Variants in DHCR7 observed in about 807,000 individuals in gnomAD.
The protein encoded by DHCR7 is 7-dehydrocholesterol reductase.
Under a neutral mutation model 43.3 loss-of-function variants are expected in DHCR7, and 40 were observed. The ratio of observed to expected loss-of-function variants is 0.92; its 90% CI spans 0.72 to 1.20. DHCR7 has a LOEUF of 1.20. DHCR7 is among the 50% of genes most tolerant of loss of function. The pLI is 0.00. For missense variants in DHCR7, 608 were observed against 644.6 expected (o/e 0.94, Z 0.62); for synonymous variants, 298 against 271.4 (o/e 1.10, Z -0.96).
At chr11:71,440,159 T>C (rs1949333095) in intron 6 of DHCR7, among the ~76,000 whole-genome samples, 1 of 151,762 alleles carries the variant, frequency 6.6e-6, no homozygotes, top group South Asian at 2.1e-4. Flanking sequence ...TTCAGAAGTG[T>C]CACCCAGGAA....
intron 2 of DHCR7, among the ~76,000 whole-genome samples, chr11:71,446,543 G>C (rs1949405450): frequency 6.6e-6 from 1 of 152,224 alleles, no homozygotes. Context: ...AAAAGTGTTT[G>C]CTGCTGGCAA....
At chr11:71,443,673 G>C (rs1234113610) in intron 4 of DHCR7, among the ~76,000 whole-genome samples, 1 of 152,140 alleles carries the variant, frequency 6.6e-6, no homozygotes, top group Admixed American at 6.5e-5. Flanking sequence ...CTGACAATGG[G>C]GCTTCCTCAG....
chr11:71,432,858 A>C (rs2135937726), downstream of DHCR7, among the ~76,000 whole-genome samples: 2 of 152,354 alleles, frequency 1.3e-5, 1 homozygote, highest in South Asian at 4.1e-4. Context: ...CCCAGGACAG[A>C]GATATGTGCT....
chr11:71,436,805 C>T (rs1240970600), intron 8 of DHCR7, among the ~76,000 whole-genome samples: 1 of 152,246 alleles, frequency 6.6e-6, no homozygotes, highest in Non-Finnish European at 1.5e-5. Context: ...GTATACCCTC[C>T]ACCCCTCTAT....
At chr11:71,438,830 C>T (rs1318220996) in intron 7 of DHCR7, 49 bp downstream of exon 7, 6 of 1,596,746 alleles carry the variant, frequency 3.8e-6, no homozygotes, top group Non-Finnish European at 5.1e-6. Flanking sequence ...CGGGTTCCCC[C>T]AGAGCCTGCC....
Position 71,438,993 on chromosome 11 carries a change from G to T in DHCR7, c.717C>A (p.Phe239Leu). Residue 239 changes from phenylalanine to leucine, a missense_variant, in exon 7 of 9, where the codon TTC (phenylalanine) becomes TTA (leucine). Transcript: ENST00000355527. ...IGKWFDFKLF[F>L]NGRPGIVAWT... ...AGGCGACGATCCCGGGGCGCCCATT[G>T]AAGAACAGCTTGAAGTCAAACCACT... 6.2e-7 allele frequency: 1 copy of T among 1,614,118 alleles called. No individual in the cohort carries two copies. Among genetic ancestry groups the T allele is most frequent in the South Asian group, 1.1e-5 (1 of 91,088 alleles).
chr11:71,431,471 C>T (rs1426518973), downstream of DHCR7, among the ~76,000 whole-genome samples: 1 of 152,190 alleles, frequency 6.6e-6, no homozygotes, highest in East Asian at 1.9e-4. Context: ...AGGGCTGACT[C>T]CTGCTCCTGA....
intron 6 of DHCR7, among the ~76,000 whole-genome samples, chr11:71,439,512 G>A (rs1328881763): frequency 1.3e-5 from 2 of 152,224 alleles, no homozygotes; most frequent in African/African-American, 4.8e-5. Flanking sequence ...CCGACGCAGG[G>A]CACGTGGGCC....
rs77762671 is a variant in DHCR7 at position 71,435,799 on chromosome 11, G to A, written c.1004C>T (p.Pro335Leu). ...CAGCAGCAGGACGCCCACGGCGTGCGGGGTGGACAGCTGCACGGGGTGGTA... is the reference window on the plus strand; with the variant it reads ...CAGCAGCAGGACGCCCACGGCGTGCAGGGTGGACAGCTGCACGGGGTGGTA... The part of the protein sequence containing the change: ...LVYHPVQLST[P>L]HAVGVLLLGL... Residue 335 changes from proline (P) to leucine (L), a missense_variant, in exon 9 of 9, where the codon CCG becomes CTG. Coordinates refer to ENST00000355527, the MANE Select transcript of DHCR7 (RefSeq NM_001360.3). The A allele has an allele frequency of 1.9e-5, 30 of 1,607,176 alleles. 1 individual carries two copies. Among genetic ancestry groups the A allele is most frequent in the East Asian group, 6.7e-5 (3 of 44,742 alleles).
chr11:71,443,620 C>G (rs1047624220), intron 4 of DHCR7, among the ~76,000 whole-genome samples: 25 of 152,266 alleles, frequency 1.6e-4, no homozygotes, highest in African/African-American at 6.0e-4. Flanking sequence ...CCTTTGGGGA[C>G]TGAGATGCTC....
At chr11:71,444,275 C>T in intron 3 of DHCR7, 60 bp from the exon 4 acceptor site, 1 of 1,378,466 alleles carries the variant, frequency 7.3e-7, no homozygotes, top group African/African-American at 1.4e-5. Context: ...CCCACCAGGA[C>T]CCTAAGAGGC....
chr11:71,447,872 A>T (rs927475957), intron 1 of DHCR7, 138 bp from the exon 2 acceptor site: 3 of 152,382 alleles, frequency 2.0e-5, no homozygotes, highest in Non-Finnish European at 2.9e-5. Flanking sequence ...CATGTCAGGG[A>T]GGACGGCGGA....
At position 71,444,902 on chromosome 11, in the gene DHCR7, G is replaced by A. The variant is rs776713087; in HGVS notation, c.51C>T (p.Gly17=). The A allele has an allele frequency of 5.6e-6, 9 of 1,614,052 alleles. No homozygotes were observed. Among genetic ancestry groups the A allele is most frequent in the African/African-American group, 5.3e-5 (4 of 74,916 alleles). Reference sequence around the variant, plus strand: ...GAGATGCGGTTCTGTCATTGGTGACGCCATCTAGACTCTTGGCTTTGGGAA... The same window carrying A: ...GAGATGCGGTTCTGTCATTGGTGACACCATCTAGACTCTTGGCTTTGGGAA... ...PNIPKAKSLD[G]VTNDRTASQG... The change falls in exon 3 of 9, where the codon GGC becomes GGT. Residue 17 remains glycine, a synonymous_variant. Coordinates refer to ENST00000355527, the MANE Select transcript of DHCR7 (RefSeq NM_001360.3).
chr11:71,442,205 C>T (rs1028075042), intron 5 of DHCR7, 58 bp downstream of exon 5: 6 of 1,274,088 alleles, frequency 4.7e-6, no homozygotes, highest in South Asian at 2.5e-5. Flanking sequence ...GGAGGACTGG[C>T]CCCTGAGAGA....
Position 71,444,068 on chromosome 11 carries a change from G to T in DHCR7, c.246C>A (p.Leu82=). The part of the protein sequence containing the change: ...VVDIVTGHAR[L]SDIWAKTPPI... Reference sequence around the variant, plus strand: ...GTGGAGTCTTGGCCCAGATGTCCGAGAGCCGAGCATGTCCGGTGACGATGT... The same window carrying T: ...GTGGAGTCTTGGCCCAGATGTCCGATAGCCGAGCATGTCCGGTGACGATGT... Residue 82 remains leucine (L), a synonymous_variant, in exon 4 of 9, where the codon CTC becomes CTA. Coordinates refer to ENST00000355527, the MANE Select transcript of DHCR7 (RefSeq NM_001360.3). The T allele has an allele frequency of 6.2e-7, 1 of 1,613,822 alleles. No homozygotes were observed. The highest frequency in any genetic ancestry group is 1.1e-5 in the South Asian group (1 of 90,962).
intron 5 of DHCR7, 101 bp downstream of exon 5, chr11:71,442,162 C>T (rs1949354587): frequency 1.1e-6 from 1 of 919,528 alleles, no homozygotes; most frequent in East Asian, 2.6e-5. Flanking sequence ...GATTTCTATC[C>T]TGTGACAAGT....
At position 71,437,255 on chromosome 11, in the gene DHCR7, C is replaced by T. The variant is rs528024772; in HGVS notation, c.963+557G>A. The stretch of plus-strand genomic sequence containing the variant: ...AGCCTCTTGGGGCAGGCCACCCCAC[C>T]GTTCTGCTAAGCAAGTGCCCTGGGG... On this transcript the variant is annotated intron_variant, in intron 8 of 8. Transcript: ENST00000355527. Among the ~76,000 whole-genome samples the T allele has an allele frequency of 1.7e-4, 26 of 152,306 alleles. No individual in the cohort carries two copies. In the South Asian group the frequency reaches 2.7e-3, roughly 16 times the overall value.
chr11:71,429,896 C>G (rs1949220040), downstream of DHCR7, among the ~76,000 whole-genome samples: 1 of 152,200 alleles, frequency 6.6e-6, no homozygotes, highest in Non-Finnish European at 1.5e-5. Context: ...CCTGGAACAA[C>G]AAAGAGCTGG....
chr11:71,433,242 A>T (rs74867948), downstream of DHCR7, among the ~76,000 whole-genome samples: 814 of 152,370 alleles, frequency 5.3e-3, 19 homozygotes, highest in East Asian at 0.064. Flanking sequence ...CTCTCTGTAC[A>T]TGGAGAATGG....
Sources: gnomAD v4.1 joint callset for allele counts (sites outside exome capture counted in the v4.1 genomes callset) on GRCh38, gnomAD v4.1.1 for gene constraint, MANE v1.5 for transcripts, NCBI Gene and HGNC (gene_info 2026-07-23, HGNC 2026-07-21) for gene names.